The following IFT81 variants were observed in gnomAD, a reference collection of about 807,000 sequenced individuals.
IFT81 encodes intraflagellar transport protein 81 homolog.
A neutral mutation model predicts 102.6 loss-of-function variants in IFT81; 72 were observed. The observed-to-expected ratio is 0.70, with a 90% confidence interval of 0.58 to 0.85. The LOEUF is 0.85. Ranked by LOEUF, IFT81 falls within the 40% of genes least tolerant of loss-of-function variation. The probability of loss-of-function intolerance (pLI) is 0.00; values close to 1 mark genes in which losing one functional copy is unlikely to be tolerated. For missense variants in IFT81, 723 were observed against 787.3 expected, an observed-to-expected ratio of 0.92 and a Z score of 0.98; for synonymous variants, 237 against 242.7, an observed-to-expected ratio of 0.98 and a Z score of 0.22.
intron 10 of IFT81, among the ~76,000 whole-genome samples, chr12:110,156,509 T>A (rs994128584): frequency 2.0e-5 from 3 of 152,132 alleles, no homozygotes; most frequent in African/African-American, 7.2e-5. Flanking sequence ...ACTTTTTTTT[T>A]TTTTGGAGAT....
intron 9 of IFT81, among the ~76,000 whole-genome samples, chr12:110,144,285 C>T (rs896238344): frequency 4.2e-4 from 64 of 151,860 alleles, no homozygotes; most frequent in African/African-American, 1.5e-3. Context: ...AGCGTGATCT[C>T]GGCTCACTAC....
At chr12:110,151,564 T>C (rs1895528912) in intron 10 of IFT81, among the ~76,000 whole-genome samples, 1 of 152,194 alleles carries the variant, frequency 6.6e-6, no homozygotes, top group African/African-American at 2.4e-5. Flanking sequence ...AAATTGTTTA[T>C]ATTTATGGTA....
At chr12:110,188,692 A>C (rs915530890) in intron 12 of IFT81, among the ~76,000 whole-genome samples, 2 of 151,844 alleles carry the variant, frequency 1.3e-5, no homozygotes, top group East Asian at 3.9e-4. Flanking sequence ...TGAGAAGCCA[A>C]GGTGGGTGGA....
At chr12:110,188,037 T>C in intron 12 of IFT81, among the ~76,000 whole-genome samples, 1 of 152,108 alleles carries the variant, frequency 6.6e-6, no homozygotes, top group Non-Finnish European at 1.5e-5. Context: ...AGCTCTTTAA[T>C]AACCTATCTG....
Position 110,128,070 on chromosome 12 carries a change from A to G in IFT81, c.169A>G (p.Met57Val), listed in dbSNP as rs1254485240. 1.9e-6 allele frequency: 3 copies of G among 1,613,184 alleles called. No individual in the cohort carries two copies. The highest frequency in any genetic ancestry group is 2.5e-6 in the Non-Finnish European group (3 of 1,179,332). ...PKQLVDIREE[M>V]PEQTAKRMLS... ...GCAACTTGTGGATATCAGAGAGGAG[A>G]TGCCAGAGCAGACAGCCAAACGAAT... The change falls in exon 3 of 19, where the codon ATG becomes GTG. Residue 57 changes from methionine to valine, a missense_variant. By Grantham distance (21) the Met-to-Val change is conservative. Transcript: ENST00000242591.
chr12:110,190,968 G>C lies in IFT81; in HGVS notation c.1387G>C (p.Glu463Gln), dbSNP rs1296124746. Residue 463 changes from glutamate (E) to glutamine (Q), a missense_variant, in exon 13 of 19, where the codon GAA becomes CAA. By Grantham distance (29) the Glu-to-Gln change is conservative. Transcript: ENST00000242591. ...KGISGYSYTQEELERVSALKS... is the reference protein window; with the variant it reads ...KGISGYSYTQQELERVSALKS... Reference sequence around the variant, plus strand: ...TATATCTGGATATAGTTACACCCAAGAAGAGCTAGAAAGAGTATCTGCACT... The same window carrying C: ...TATATCTGGATATAGTTACACCCAACAAGAGCTAGAAAGAGTATCTGCACT... 2 of 1,607,754 alleles carry C rather than the reference G, an allele frequency of 1.2e-6. No individual in the cohort carries two copies. The highest frequency in any genetic ancestry group is 2.2e-5 in the East Asian group (1 of 44,534).
At chr12:110,167,864 TCCCC>T (rs1896523504) in intron 11 of IFT81, 1 of 286,450 alleles carries the variant, frequency 3.5e-6, no homozygotes. Flanking sequence ...TTTTTTTTTT[TCCCC>T]AGAGACAGGA....
At chr12:110,180,714 AG>A in intron 12 of IFT81, 143 bp downstream of exon 12, 1 of 542,008 alleles carries the variant, frequency 1.8e-6, no homozygotes, top group Middle Eastern at 4.8e-4. Context: ...ATGACATATA[AG>A]TTGATTCATT....
Position 110,135,315 on chromosome 12 carries a change from C to T in IFT81, c.586-12C>T. 1 of 1,541,376 alleles carries T rather than the reference C, an allele frequency of 6.5e-7. No homozygotes were observed. Among genetic ancestry groups the T allele is most frequent in the South Asian group, 1.2e-5 (1 of 85,970 alleles). On this transcript the variant is annotated splice_polypyrimidine_tract_variant and intron_variant, in intron 6 of 18. Transcript: ENST00000242591. ...CTGACAGTAACATGTACTACTTATT[C>T]CCTTACTGTAGGTTGAGACAGCTCA...
At chr12:110,205,778 T>A in intron 17 of IFT81, 98 bp downstream of exon 17, 1 of 706,960 alleles carries the variant, frequency 1.4e-6, no homozygotes, top group Non-Finnish European at 2.3e-6. Flanking sequence ...CATATTTAAG[T>A]AAGTAGACAC....
intron 9 of IFT81, among the ~76,000 whole-genome samples, chr12:110,146,711 G>A (rs568973138): frequency 1.4e-4 from 22 of 152,136 alleles, no homozygotes; most frequent in African/African-American, 4.6e-4. Context: ...GCTCACGTCT[G>A]TAATCCCAGC....
chr12:110,139,357 A>T (rs1894709256), intron 8 of IFT81, among the ~76,000 whole-genome samples: 2 of 144,786 alleles, frequency 1.4e-5, no homozygotes, highest in Admixed American at 6.9e-5. Flanking sequence ...AAAAAAAAAG[A>T]AAAGGAAAAA....
chr12:110,158,823 C>T (rs562004092), intron 10 of IFT81, among the ~76,000 whole-genome samples: 7 of 151,846 alleles, frequency 4.6e-5, no homozygotes, highest in Non-Finnish European at 1.0e-4. Context: ...CTCCTGACCT[C>T]GTGATCCACC....
At chr12:110,217,038 A>G (rs1487144097) in intron 18 of IFT81, among the ~76,000 whole-genome samples, 1 of 152,170 alleles carries the variant, frequency 6.6e-6, no homozygotes, top group Non-Finnish European at 1.5e-5. Flanking sequence ...TGTCATGTAT[A>G]TCCTCCTAGC....
At chr12:110,136,747 C>T in intron 7 of IFT81, 29 bp from the exon 8 acceptor site, 1 of 1,396,732 alleles carries the variant, frequency 7.2e-7, no homozygotes, top group South Asian at 1.2e-5. Flanking sequence ...GTAGACTAAG[C>T]AAGTAATCTA....
intron 18 of IFT81, among the ~76,000 whole-genome samples, chr12:110,210,882 A>G (rs1869319896): frequency 6.6e-6 from 1 of 150,662 alleles, no homozygotes; most frequent in South Asian, 2.1e-4. Flanking sequence ...ACAGAGTCTC[A>G]CTCTGTCACC....
At chr12:110,175,908 T>G (rs1326859601) in intron 11 of IFT81, among the ~76,000 whole-genome samples, 2 of 152,198 alleles carry the variant, frequency 1.3e-5, no homozygotes, top group Non-Finnish European at 2.9e-5. Flanking sequence ...TATATTGCAT[T>G]TATTTATTTG....
rs151044333 is a variant in IFT81 at position 110,183,405 on chromosome 12, G to A, written c.1338+2834G>A. Reference sequence around the variant, plus strand: ...TACCCAGAGCTCAGGAATGGTCTCTGTTGCTGGCAGGTCAGACGTTTGATA... The same window carrying A: ...TACCCAGAGCTCAGGAATGGTCTCTATTGCTGGCAGGTCAGACGTTTGATA... On this transcript the variant is annotated intron_variant, in intron 12 of 18. Transcript: ENST00000242591. 2.0e-5 allele frequency among the ~76,000 whole-genome samples: 3 copies of A among 152,340 alleles called. No homozygotes were observed. In the East Asian group the frequency reaches 5.8e-4, roughly 29 times the overall value.
intron 18 of IFT81, among the ~76,000 whole-genome samples, chr12:110,217,276 C>A (rs940009977): frequency 6.6e-5 from 10 of 152,150 alleles, no homozygotes; most frequent in African/African-American, 2.2e-4. Flanking sequence ...AACTCCTAAC[C>A]TCAAGTGATC....
Sources: allele counts gnomAD v4.1 joint callset (sites outside exome capture counted in the v4.1 genomes callset), GRCh38; gene constraint gnomAD v4.1.1; transcripts MANE v1.5; gene names NCBI Gene and HGNC (gene_info 2026-07-23, HGNC 2026-07-21).